RS1: variants seen among roughly 807,000 people sequenced by gnomAD.
RS1 encodes retinoschisin 1.
RS1 carries 2 observed loss-of-function variants against 20.8 expected under a neutral mutation model. The observed-to-expected ratio is 0.10, with a 90% confidence interval of 0.04 to 0.30. RS1 has a LOEUF of 0.30. Ranked by LOEUF, RS1 falls within the 10% of genes least tolerant of loss-of-function variation. The pLI, the probability that RS1 is intolerant of heterozygous loss-of-function variation, is 1.00. For missense variants in RS1, 151 were observed against 189.8 expected (o/e 0.80, Z 1.20); for synonymous variants, 70 against 75.8 (o/e 0.92, Z 0.40).
At chrX:18,669,801 G>A (rs1928463635) in intron 1 of RS1, among the ~76,000 whole-genome samples, 1 of 112,153 alleles carries the variant, frequency 8.9e-6, no homozygotes, top group South Asian at 3.7e-4. Flanking sequence ...CTGGCCCAGG[G>A]TAGGGCACAC....
At chrX:18,668,386 C>T (rs1053320490) in intron 1 of RS1, among the ~76,000 whole-genome samples, 10 of 112,459 alleles carry the variant, frequency 8.9e-5, no homozygotes, top group Non-Finnish European at 1.9e-4. Flanking sequence ...TGAGGAAAGG[C>T]GCGCTTTAGA....
intron 3 of RS1, chrX:18,653,730 A>G: frequency 1.8e-6 from 1 of 551,648 alleles, no homozygotes; most frequent in East Asian, 4.2e-5. Flanking sequence ...GCACTTTGGG[A>G]GGCCGAGCAG....
intron 4 of RS1, among the ~76,000 whole-genome samples, chrX:18,646,905 T>A (rs933187332): frequency 1.8e-5 from 2 of 111,554 alleles, no homozygotes; most frequent in African/African-American, 6.5e-5. Flanking sequence ...CATTTGTTTA[T>A]TAGAGAGGCC....
chrX:18,654,809 T>C (rs957117573), intron 3 of RS1, among the ~76,000 whole-genome samples: 1 of 111,094 alleles, frequency 9.0e-6, no homozygotes, highest in African/African-American at 3.3e-5. Context: ...CTTCAGAAAA[T>C]AGGAAAATCA....
At chrX:18,647,153 T>TA in intron 4 of RS1, 38 bp downstream of exon 4, 1 of 1,203,045 alleles carries the variant, frequency 8.3e-7, no homozygotes, top group Non-Finnish European at 1.1e-6. Flanking sequence ...TATTTTTTTT[T>TA]AAAAGCACAT....
chrX:18,649,814 G>A (rs887946247), intron 3 of RS1, among the ~76,000 whole-genome samples: 17 of 111,754 alleles, frequency 1.5e-4, no homozygotes, highest in African/African-American at 4.5e-4. Flanking sequence ...CCCCACCCGC[G>A]ACACCCCTCC....
chrX:18,666,815 C>T (rs1294613670), intron 1 of RS1, among the ~76,000 whole-genome samples: 2 of 110,271 alleles, frequency 1.8e-5, no homozygotes, highest in East Asian at 2.9e-4. Flanking sequence ...GTGAAAGAAA[C>T]GGAAGTCTGA....
At chrX:18,657,558 A>G (rs1928239063) in intron 2 of RS1, 82 bp downstream of exon 2, 1 of 739,446 alleles carries the variant, frequency 1.4e-6, no homozygotes, top group Non-Finnish European at 2.1e-6. Context: ...AAACAAAGTG[A>G]TAGTCCTCTA....
chrX:18,643,862 T>A (rs1439757909), intron 5 of RS1, among the ~76,000 whole-genome samples: 1 of 110,560 alleles, frequency 9.0e-6, no homozygotes, highest in Admixed American at 9.6e-5. Context: ...AGGAGTCTAC[T>A]GCGTTTAGTC....
At chrX:18,652,516 A>G (rs1928094026) in intron 3 of RS1, among the ~76,000 whole-genome samples, 1 of 111,604 alleles carries the variant, frequency 9.0e-6, no homozygotes, top group Non-Finnish European at 1.9e-5. Context: ...TAAAAATACA[A>G]AAATTAGCCG....
At chrX:18,648,094 C>T (rs1172967428) in intron 3 of RS1, among the ~76,000 whole-genome samples, 2 of 110,813 alleles carry the variant, frequency 1.8e-5, no homozygotes, top group Non-Finnish European at 3.8e-5. Context: ...CCCAGCTACT[C>T]GGGAGGCTGA....
At chrX:18,652,680 C>T (rs1034571921) in intron 3 of RS1, among the ~76,000 whole-genome samples, 10 of 106,756 alleles carry the variant, frequency 9.4e-5, no homozygotes, top group African/African-American at 3.5e-4. Flanking sequence ...AAAAAAAAAA[C>T]TAAGGGGATC....
chrX:18,666,368 G>A (rs925847378), intron 1 of RS1, among the ~76,000 whole-genome samples: 4 of 111,516 alleles, frequency 3.6e-5, no homozygotes, highest in Admixed American at 1.9e-4. Context: ...AAGCATTCTG[G>A]GCAGAGGGAA....
chrX:18,667,374 G>A (rs1392245009), intron 1 of RS1, among the ~76,000 whole-genome samples: 2 of 110,626 alleles, frequency 1.8e-5, no homozygotes, highest in Non-Finnish European at 3.8e-5. Flanking sequence ...GTGAAACCCT[G>A]TCTCTACAAA....
At chrX:18,648,663 C>G (rs145297345) in intron 3 of RS1, among the ~76,000 whole-genome samples, 1,161 of 112,176 alleles carry the variant, frequency 0.01, 16 homozygotes, top group African/African-American at 0.036. Flanking sequence ...TAACTTCTGA[C>G]CAGTGAGACA....
intron 2 of RS1, among the ~76,000 whole-genome samples, chrX:18,657,217 C>CTTT (rs749358875): frequency 6.1e-5 from 4 of 65,138 alleles, no homozygotes; most frequent in African/African-American, 1.2e-4. Context: ...AAAAAAAATA[C>CTTT]TTTTTTTTTT....
chrX:18,645,132 G>A (rs977630153), intron 4 of RS1, among the ~76,000 whole-genome samples: 10 of 112,598 alleles, frequency 8.9e-5, no homozygotes, highest in African/African-American at 3.2e-4. Flanking sequence ...CCAGATAACC[G>A]TTGAAGCAAC....
At chrX:18,655,042 C>T (rs1928188245) in intron 3 of RS1, among the ~76,000 whole-genome samples, 1 of 111,626 alleles carries the variant, frequency 9.0e-6, no homozygotes, top group Non-Finnish European at 1.9e-5. Flanking sequence ...AAGCTCTGAG[C>T]ATGGAAAGGA....
rs553623325 is a variant in RS1 at position 18,650,928 on chromosome X, T to C, written c.185-3596A>G. Among the ~76,000 whole-genome samples, 37 of 112,223 alleles carry C rather than the reference T, an allele frequency of 3.3e-4. No homozygotes were observed. The South Asian group carries it at 0.014, about 42-fold the overall frequency. On this transcript the variant is annotated intron_variant, in intron 3 of 5. Transcript: ENST00000379984. ...TGCTGTAAGATTGAGTGAAACTATT[T>C]GGAGATTGTAGAGTTCGTAGAGCAC...
Sources: gnomAD v4.1 joint callset for allele counts (sites outside exome capture counted in the v4.1 genomes callset) on GRCh38, gnomAD v4.1.1 for gene constraint, MANE v1.5 for transcripts, NCBI Gene and HGNC (gene_info 2026-07-23, HGNC 2026-07-21) for gene names.